The following IKZF1 variants were observed in gnomAD, a reference collection of about 807,000 sequenced individuals.
The protein encoded by IKZF1 is DNA-binding protein Ikaros.
Under a neutral mutation model 51.7 loss-of-function variants are expected in IKZF1, and 10 were observed. The ratio of observed to expected loss-of-function variants is 0.19; its 90% CI spans 0.12 to 0.33. IKZF1 has a LOEUF of 0.33. Among genes scored for constraint, IKZF1 ranks in the 10% least tolerant of loss-of-function variants. The pLI, the probability that IKZF1 is intolerant of heterozygous loss-of-function variation, is 1.00. For missense variants in IKZF1, 484 were observed against 707.5 expected (o/e 0.68, Z 3.58); for synonymous variants, 280 against 282.3 (o/e 0.99, Z 0.08).
At chr7:50,349,850 G>C (rs1188598209) in intron 3 of IKZF1, among the ~76,000 whole-genome samples, 1 of 152,128 alleles carries the variant, frequency 6.6e-6, no homozygotes, top group Non-Finnish European at 1.5e-5. Flanking sequence ...ACATGTTATT[G>C]GGTCTATGAA....
intron 7 of IKZF1, among the ~76,000 whole-genome samples, chr7:50,397,200 T>TATAC (rs1816942614): frequency 6.6e-6 from 1 of 152,132 alleles, no homozygotes; most frequent in South Asian, 2.1e-4. Flanking sequence ...AGTCTTTGAG[T>TATAC]GTATGTGTGT....
intron 3 of IKZF1, among the ~76,000 whole-genome samples, chr7:50,360,140 G>A (rs1187871395): frequency 6.6e-6 from 1 of 151,846 alleles, no homozygotes; most frequent in South Asian, 2.1e-4. Context: ...ACAGGGACCC[G>A]TTGGGCTTCT....
rs1818783913 is a variant in IKZF1, at chr7:50,405,046, G to A, written c.*4419G>A. 1 of 196,598 alleles carries A rather than the reference G, an allele frequency of 5.1e-6. No individual in the cohort carries two copies. Among genetic ancestry groups the A allele is most frequent in the Admixed American group, 6.1e-5 (1 of 16,456 alleles). The allele number at this position is 196,598 out of a possible 1,614,324, so 12.2% of individuals were successfully genotyped here. On this transcript the variant is annotated 3_prime_UTR_variant, in exon 8 of 8. Transcript: ENST00000331340. ...TTCTGATCCCATTTCTGATGGATGT[G>A]TCACACCTTTTCTGTCAAAATAAAA...
intron 3 of IKZF1, among the ~76,000 whole-genome samples, chr7:50,353,382 G>A (rs1173133065): frequency 2.0e-5 from 3 of 152,148 alleles, no homozygotes; most frequent in Non-Finnish European, 4.4e-5. Flanking sequence ...CTCCTGCAAG[G>A]CCTGAGGTCT....
At chr7:50,381,356 A>T (rs183193417) in intron 4 of IKZF1, among the ~76,000 whole-genome samples, 1 of 152,342 alleles carries the variant, frequency 6.6e-6, no homozygotes, top group African/African-American at 2.4e-5. Flanking sequence ...CAACACCAGG[A>T]ATTGTGGTCA....
chr7:50,341,635 A>T (rs1337220448), intron 3 of IKZF1, among the ~76,000 whole-genome samples: 4 of 152,214 alleles, frequency 2.6e-5, no homozygotes, highest in Non-Finnish European at 5.9e-5. Context: ...GTCCAAGGGG[A>T]ACATAATTTG....
rs1164151832 is a variant in IKZF1, at chr7:50,402,969, A to G, written c.*2342A>G. The G allele has an allele frequency of 4.4e-6, 1 of 227,710 alleles. No homozygotes were observed. The highest frequency in any genetic ancestry group is 8.7e-6 in the Non-Finnish European group (1 of 114,632). The allele number at this position is 227,710 out of a possible 1,614,324, so 14.1% of individuals were successfully genotyped here. A position where few individuals can be genotyped will look rare whatever the true frequency, so the allele number is the denominator to read the frequency against. On this transcript the variant is annotated 3_prime_UTR_variant, in exon 8 of 8. Coordinates refer to ENST00000331340, the MANE Select transcript of IKZF1 (RefSeq NM_006060.6). ...AGTCAGTTTGTTGCAAATTTCACCT[A>G]CTCTGTTCTTTTCCATCCATCCCCC...
chr7:50,337,623 A>G (rs1798098308), intron 3 of IKZF1, among the ~76,000 whole-genome samples: 1 of 152,196 alleles, frequency 6.6e-6, no homozygotes, highest in African/African-American at 2.4e-5. Context: ...TGTCTGATAC[A>G]TTGGTATTGA....
chr7:50,363,064 G>A (rs936297955), intron 3 of IKZF1, among the ~76,000 whole-genome samples: 8 of 152,196 alleles, frequency 5.3e-5, no homozygotes, highest in Non-Finnish European at 4.4e-5. Context: ...GTAGAGGCGA[G>A]CCCCCTGTGG....
At chr7:50,372,778 A>G (rs1197694356) in intron 3 of IKZF1, among the ~76,000 whole-genome samples, 1 of 152,168 alleles carries the variant, frequency 6.6e-6, no homozygotes, top group African/African-American at 2.4e-5. Context: ...TCTCCCTAAA[A>G]TTGTACTTGG....
chr7:50,399,598 A>T lies in IKZF1; in HGVS notation c.851-320A>T, dbSNP rs976670484. On this transcript the variant is annotated intron_variant, in intron 7 of 7. Transcript: ENST00000331340. ...AAAATATTAAATGAAATACAATAAC[A>T]TAATTAAACTAATCTTTGGTTCCCC... is the stretch of plus-strand genomic sequence containing the variant. Among the ~76,000 whole-genome samples the T allele has an allele frequency of 2.6e-5, 4 of 152,234 alleles. No homozygotes were observed. The East Asian group carries it at 5.8e-4, about 22-fold the overall frequency.
intron 3 of IKZF1, among the ~76,000 whole-genome samples, chr7:50,355,280 G>C (rs1802984857): frequency 6.6e-6 from 1 of 152,236 alleles, no homozygotes; most frequent in Non-Finnish European, 1.5e-5. Flanking sequence ...AGAGCAGATG[G>C]TCCTGGGTGC....
At chr7:50,353,514 G>A (rs144259188) in intron 3 of IKZF1, among the ~76,000 whole-genome samples, 4 of 152,184 alleles carry the variant, frequency 2.6e-5, no homozygotes, top group Non-Finnish European at 5.9e-5. Context: ...CTGCCATGCT[G>A]TCACCCTTAT....
Position 50,376,478 on chromosome 7 carries a change from G to C in IKZF1, c.161-55G>C, listed in dbSNP as rs2153467971. 6.3e-7 allele frequency: 1 copy of C among 1,591,394 alleles called. No individual in the cohort carries two copies. The highest frequency in any genetic ancestry group is 8.5e-7 in the Non-Finnish European group (1 of 1,169,750). On this transcript the variant is annotated intron_variant, in intron 3 of 7. Transcript: ENST00000331340. This position sits in a 1 kb window ranked among gnomAD's most constrained non-coding sequence, Gnocchi z 4.5. ...TGTCTTTTTGCTGCTGTGTTGTTTT[G>C]TTGAGTTTTTTTTTTGCAATGACAC... is the stretch of plus-strand genomic sequence containing the variant.
rs1234195750 is a variant in IKZF1 at position 50,401,433 on chromosome 7, T to C, written c.*806T>C. ...CCGTGGGCATATCTGGGGAGCCCTG[T>C]TCCCCGCTTTTTCACTCCCATACCT... On this transcript the variant is annotated 3_prime_UTR_variant, in exon 8 of 8. Transcript: ENST00000331340. 1 of 225,468 alleles carries C rather than the reference T, an allele frequency of 4.4e-6. No individual in the cohort carries two copies. Among genetic ancestry groups the C allele is most frequent in the Non-Finnish European group, 8.8e-6 (1 of 113,088 alleles). 14.0% of individuals were successfully genotyped at this position (225,468 alleles called of 1,614,324 possible).
chr7:50,310,455 T>C (rs1789889335), intron 1 of IKZF1, among the ~76,000 whole-genome samples: 1 of 152,178 alleles, frequency 6.6e-6, no homozygotes, highest in Non-Finnish European at 1.5e-5. Flanking sequence ...TGCCCATTTT[T>C]TGTACCCCCA....
intron 2 of IKZF1, 119 bp downstream of exon 2, chr7:50,319,220 G>T (rs1369521716): frequency 8.6e-6 from 6 of 700,942 alleles, no homozygotes; most frequent in African/African-American, 1.8e-5. Flanking sequence ...CAAAAGAAAA[G>T]ACCATGATGG....
intron 3 of IKZF1, among the ~76,000 whole-genome samples, chr7:50,354,939 A>G (rs1802879817): frequency 6.6e-6 from 1 of 152,130 alleles, no homozygotes; most frequent in Non-Finnish European, 1.5e-5. Flanking sequence ...CAAAAACGTC[A>G]CTTTGGGTAG....
At chr7:50,343,511 A>G (rs1177035667) in intron 3 of IKZF1, among the ~76,000 whole-genome samples, 1 of 152,160 alleles carries the variant, frequency 6.6e-6, no homozygotes, top group Non-Finnish European at 1.5e-5. Flanking sequence ...ACAACTACAC[A>G]AATCTCTTGC....
Sources: gnomAD v4.1 joint callset for allele counts (sites outside exome capture counted in the v4.1 genomes callset) on GRCh38, gnomAD v4.1.1 for gene constraint, Gnocchi (gnomAD v3.1) non-coding constraint, MANE v1.5 for transcripts, NCBI Gene and HGNC (gene_info 2026-07-23, HGNC 2026-07-21) for gene names.